The following WWC1 variants were observed in gnomAD, a reference collection of about 807,000 sequenced individuals.
The protein encoded by WWC1 is WW and C2 domain containing 1.
WWC1 carries 55 observed loss-of-function variants against 138.4 expected under a neutral mutation model. The observed-to-expected ratio is 0.40, with a 90% CI of 0.32 to 0.50. The LOEUF is 0.50. Among genes scored for constraint, WWC1 ranks in the 20% least tolerant of loss-of-function variants. WWC1 has a pLI of 0.72. For synonymous variants in WWC1, 524 were observed against 564.9 expected (o/e 0.93, Z 1.03); for missense variants, 1,226 against 1,420.4 (o/e 0.86, Z 2.20).
At chr5:168,357,061 TGA>T (rs1346118538) in intron 1 of WWC1, among the ~76,000 whole-genome samples, 1 of 152,092 alleles carries the variant, frequency 6.6e-6, no homozygotes, top group Non-Finnish European at 1.5e-5. Context: ...AAAAGCACCT[TGA>T]GGACCTTAAA....
intron 1 of WWC1, among the ~76,000 whole-genome samples, chr5:168,335,477 C>T (rs1457630954): frequency 6.7e-6 from 1 of 150,156 alleles, no homozygotes; most frequent in East Asian, 1.9e-4. Context: ...GAAAGAACAT[C>T]TAGAATTTCC....
intron 15 of WWC1, among the ~76,000 whole-genome samples, chr5:168,436,645 C>T (rs890066476): frequency 3.3e-5 from 5 of 152,142 alleles, no homozygotes; most frequent in Non-Finnish European, 7.3e-5. Context: ...CTGTCTCAGC[C>T]GATGGCAATC....
At chr5:168,370,204 G>T (rs1776646469) in intron 1 of WWC1, among the ~76,000 whole-genome samples, 1 of 152,106 alleles carries the variant, frequency 6.6e-6, no homozygotes, top group African/African-American at 2.4e-5. Context: ...GGGCCCCGTT[G>T]CACAAATACT....
At chr5:168,413,125 C>T (rs1780351727) in intron 8 of WWC1, among the ~76,000 whole-genome samples, 1 of 152,170 alleles carries the variant, frequency 6.6e-6, no homozygotes, top group Non-Finnish European at 1.5e-5. Context: ...AACTGGGAGT[C>T]CAGAGGCCTC....
At chr5:168,332,510 T>C (rs1206906689) in intron 1 of WWC1, among the ~76,000 whole-genome samples, 1 of 152,154 alleles carries the variant, frequency 6.6e-6, no homozygotes, top group Non-Finnish European at 1.5e-5. Context: ...GATCAGCATG[T>C]ATATGTGTTT....
At chr5:168,419,017 C>T (rs9313411) in intron 9 of WWC1, among the ~76,000 whole-genome samples, 65,523 of 151,972 alleles carry the variant, frequency 0.43, 15,591 homozygotes, top group East Asian at 0.77. Context: ...TGTGATTTCA[C>T]GGATTTAGTT....
intron 1 of WWC1, among the ~76,000 whole-genome samples, chr5:168,320,952 A>G (rs1581913019): frequency 6.6e-6 from 1 of 152,222 alleles, no homozygotes; most frequent in South Asian, 2.1e-4. Flanking sequence ...TCCTTCAGCC[A>G]GTAACGATTA....
In WWC1 at chr5:168,375,907, T is replaced by G. The variant is rs532011725; in HGVS notation, c.229+4374T>G. Among the ~76,000 whole-genome samples the G allele has an allele frequency of 4.6e-5, 7 of 152,206 alleles. No individual in the cohort carries two copies. In the East Asian group the frequency reaches 1.2e-3, roughly 25 times the overall value. ...AACTGTTTCTAAAACATAAGCCATTTTTACTATTTCATGTCAGTATTCAGT... is the reference window on the plus strand; with the variant it reads ...AACTGTTTCTAAAACATAAGCCATTGTTACTATTTCATGTCAGTATTCAGT... On this transcript the variant is annotated intron_variant, in intron 2 of 22. Transcript: ENST00000265293.
chr5:168,292,185 C>T lies in WWC1; in HGVS notation c.33C>T (p.Gly11=). 6.4e-7 allele frequency: 1 copy of T among 1,551,808 alleles called. No individual in the cohort carries two copies. The highest frequency in any genetic ancestry group is 8.7e-7 in the Non-Finnish European group (1 of 1,147,926). The change falls in exon 1 of 23, where the codon GGC becomes GGT. Residue 11 remains glycine, a synonymous_variant. Transcript: ENST00000265293. This position sits in a 1 kb window ranked among gnomAD's most constrained non-coding sequence, Gnocchi z 4.4. ...GGCCGGAGCTGCCCCTGCCGGAGGG[C>T]TGGGAGGAGGCGCGCGACTTCGACG... The part of the protein sequence containing the change: MPRPELPLPE[G]WEEARDFDGK...
chr5:168,388,617 G>A (rs535581386), intron 3 of WWC1, among the ~76,000 whole-genome samples: 1 of 152,074 alleles, frequency 6.6e-6, no homozygotes, highest in Non-Finnish European at 1.5e-5. Context: ...ATCAATTGAG[G>A]TCAGGAGTTT....
Position 168,301,228 on chromosome 5 carries a change from G to T in WWC1, c.119+8957G>T, listed in dbSNP as rs546780105. Among the ~76,000 whole-genome samples, 68 of 152,282 alleles carry T rather than the reference G, an allele frequency of 4.5e-4. 1 individual carries two copies. The highest frequency in any genetic ancestry group is 1.5e-3 in the African/African-American group (64 of 41,552). On this transcript the variant is annotated intron_variant, in intron 1 of 22. Transcript: ENST00000265293. ...GGAAAAAAATGTGTATGTGTTTGTTGTTCCACCCAAACATGGGATTGCATA... is the reference window on the plus strand; with the variant it reads ...GGAAAAAAATGTGTATGTGTTTGTTTTTCCACCCAAACATGGGATTGCATA...
intron 2 of WWC1, among the ~76,000 whole-genome samples, chr5:168,372,498 TC>T (rs1776837800): frequency 2.0e-5 from 3 of 152,198 alleles, no homozygotes; most frequent in Non-Finnish European, 4.4e-5. Context: ...GGGCATCAAA[TC>T]CTAATAGCCT....
At position 168,410,779 on chromosome 5, in the gene WWC1, T is replaced by C. The variant is rs1005240623; in HGVS notation, c.941+784T>C. 2.0e-5 allele frequency among the ~76,000 whole-genome samples: 3 copies of C among 152,280 alleles called. No homozygotes were observed. The South Asian group carries it at 6.2e-4, about 32-fold the overall frequency. On this transcript the variant is annotated intron_variant, in intron 8 of 22. Transcript: ENST00000265293. ...TTTAAAAGCAATGCATCTTCTCATT[T>C]AATTTTAAAAGCAACCTTATAGCAC...
chr5:168,436,133 G>A (rs557216309), intron 15 of WWC1, among the ~76,000 whole-genome samples: 33 of 152,188 alleles, frequency 2.2e-4, no homozygotes, highest in Admixed American at 1.9e-3. Context: ...GTGAGCCACC[G>A]TGCCTGGCCT....
At chr5:168,364,833 T>C (rs906404774) in intron 1 of WWC1, among the ~76,000 whole-genome samples, 1 of 152,196 alleles carries the variant, frequency 6.6e-6, no homozygotes, top group Non-Finnish European at 1.5e-5. Flanking sequence ...TGGATCTCTC[T>C]GAAATGGCCC....
At chr5:168,410,088 G>C (rs1021846994) in intron 8 of WWC1, 93 bp downstream of exon 8, 1 of 1,222,328 alleles carries the variant, frequency 8.2e-7, no homozygotes, top group African/African-American at 1.5e-5. Flanking sequence ...CACACACTTC[G>C]TCTTCTTTAA....
chr5:168,400,528 CTGCAGTGTTTCCA>C (rs1382980868), intron 5 of WWC1, among the ~76,000 whole-genome samples: 1 of 152,202 alleles, frequency 6.6e-6, no homozygotes, highest in African/African-American at 2.4e-5. Context: ...CAGGGAACCC[CTGCAGTGTTTCCA>C]TGCAGGTGTG....
intron 1 of WWC1, among the ~76,000 whole-genome samples, chr5:168,306,888 C>T (rs990953630): frequency 2.6e-5 from 4 of 152,358 alleles, no homozygotes; most frequent in Middle Eastern, 3.4e-3. Context: ...TAAGCCACCA[C>T]GCCCAGCCAG....
At chr5:168,460,005 A>C (rs1756664395) in intron 19 of WWC1, among the ~76,000 whole-genome samples, 1 of 152,292 alleles carries the variant, frequency 6.6e-6, no homozygotes, top group Non-Finnish European at 1.5e-5. Flanking sequence ...TAGATGGGGA[A>C]TACTAGCCCT....
Sources: allele counts gnomAD v4.1 joint callset (sites outside exome capture counted in the v4.1 genomes callset), GRCh38; gene constraint gnomAD v4.1.1; non-coding constraint Gnocchi (gnomAD v3.1); transcripts MANE v1.5; gene names NCBI Gene and HGNC (gene_info 2026-07-23, HGNC 2026-07-21).